The following CNTN6 variants were observed in gnomAD, a reference collection of about 807,000 sequenced individuals.
The protein encoded by CNTN6 is contactin-6.
CNTN6 carries 137 observed loss-of-function variants against 122.8 expected under a neutral mutation model. The observed-to-expected ratio is 1.12, with a 90% CI of 0.97 to 1.29. The LOEUF is 1.29. CNTN6 is among the 50% of genes most tolerant of loss of function. The probability of loss-of-function intolerance (pLI) is 0.00; values close to 1 mark genes in which losing one functional copy is unlikely to be tolerated. For synonymous variants in CNTN6, 570 were observed against 426.0 expected, an observed-to-expected ratio of 1.34 and a Z score of -4.16; for missense variants, 1,634 against 1,223.4, an observed-to-expected ratio of 1.34 and a Z score of -5.01.
At chr3:1,270,303 C>A (rs912154584) in intron 4 of CNTN6, among the ~76,000 whole-genome samples, 1 of 152,120 alleles carries the variant, frequency 6.6e-6, no homozygotes, top group Non-Finnish European at 1.5e-5. Flanking sequence ...TGGTATTATT[C>A]ATAACTGGTC....
chr3:1,221,738 G>C (rs970712611), intron 3 of CNTN6, among the ~76,000 whole-genome samples: 5 of 152,172 alleles, frequency 3.3e-5, no homozygotes, highest in African/African-American at 1.2e-4. Flanking sequence ...AAATACTACA[G>C]ATATTTAGTT....
chr3:1,379,832 C>A (rs1266439654), intron 17 of CNTN6, among the ~76,000 whole-genome samples: 1 of 152,076 alleles, frequency 6.6e-6, no homozygotes, highest in Non-Finnish European at 1.5e-5. Context: ...TGCCCAGCTT[C>A]TTTATGGAAT....
intron 2 of CNTN6, among the ~76,000 whole-genome samples, chr3:1,193,788 CATT>C (rs2125397082): frequency 6.6e-6 from 1 of 152,234 alleles, no homozygotes; most frequent in African/African-American, 2.4e-5. Context: ...TTTCAATCAT[CATT>C]GCCTTCCCAC....
chr3:1,120,290 G>C (rs991285086), intron 1 of CNTN6, among the ~76,000 whole-genome samples: 1 of 151,870 alleles, frequency 6.6e-6, no homozygotes, highest in East Asian at 1.9e-4. Context: ...GTTTTTGAAA[G>C]TGGTTGTGTC....
At chr3:1,154,887 C>G (rs2092929388) in intron 2 of CNTN6, among the ~76,000 whole-genome samples, 1 of 152,186 alleles carries the variant, frequency 6.6e-6, no homozygotes, top group African/African-American at 2.4e-5. Context: ...CTTCCCTTTG[C>G]TCATTGCATT....
intron 17 of CNTN6, 140 bp downstream of exon 17, chr3:1,377,215 A>T: frequency 1.9e-6 from 1 of 538,112 alleles, no homozygotes; most frequent in Non-Finnish European, 3.2e-6. Flanking sequence ...CCTGATGATG[A>T]ATTATTTAGA....
intron 1 of CNTN6, among the ~76,000 whole-genome samples, chr3:1,132,474 C>T (rs2092361920): frequency 6.6e-6 from 1 of 151,772 alleles, no homozygotes; most frequent in Non-Finnish European, 1.5e-5. Context: ...CCTGTGATCC[C>T]AGCTCTTTGA....
At chr3:1,122,756 C>T (rs2092008351) in intron 1 of CNTN6, among the ~76,000 whole-genome samples, 1 of 151,822 alleles carries the variant, frequency 6.6e-6, no homozygotes, top group Non-Finnish European at 1.5e-5. Context: ...CAAGGTTTAT[C>T]TACGTTTCGG....
At chr3:1,191,663 T>C (rs533977368) in intron 2 of CNTN6, among the ~76,000 whole-genome samples, 1 of 152,302 alleles carries the variant, frequency 6.6e-6, no homozygotes, top group African/African-American at 2.4e-5. Flanking sequence ...TGTAGCCAAG[T>C]TGAGCAGAAG....
At position 1,387,973 on chromosome 3, in the gene CNTN6, C is replaced by T. The variant is rs943517254; in HGVS notation, c.2704+2176C>T. Among the ~76,000 whole-genome samples, 17 of 152,114 alleles carry T rather than the reference C, an allele frequency of 1.1e-4. No homozygotes were observed. The South Asian group carries it at 1.7e-3, about 15-fold the overall frequency. On this transcript the variant is annotated intron_variant, in intron 20 of 22. Transcript: ENST00000446702. ...CTGAGATCAAACTGCAAGGCGGCAG[C>T]GAGGCTGGGGGAGGGGCGCCCGCCA...
At chr3:1,403,042 G>C (rs1198440110) in intron 22 of CNTN6, among the ~76,000 whole-genome samples, 1 of 152,116 alleles carries the variant, frequency 6.6e-6, no homozygotes, top group Admixed American at 6.6e-5. Flanking sequence ...AGCTGTGATT[G>C]AGTGCAAGTC....
intron 2 of CNTN6, among the ~76,000 whole-genome samples, chr3:1,161,868 A>T (rs2093142490): frequency 6.6e-6 from 1 of 152,020 alleles, no homozygotes; most frequent in South Asian, 2.1e-4. Flanking sequence ...GTTACATTAC[A>T]CTAAATGATA....
rs1387654184 is a variant in CNTN6, at chr3:1,382,922, T to C, written c.2167-20T>C. On this transcript the variant is annotated intron_variant, in intron 17 of 22. Transcript: ENST00000446702. ...AAATATTTTTGCAAATACTCAGTGA[T>C]TGATCACATTCTGCCCAAGTCAATT... The C allele has an allele frequency of 1.9e-6, 3 of 1,547,744 alleles. No homozygotes were observed. The highest frequency in any genetic ancestry group is 2.2e-5 in the East Asian group (1 of 44,462).
chr3:1,272,517 T>C (rs2095043511), intron 4 of CNTN6, among the ~76,000 whole-genome samples: 1 of 149,034 alleles, frequency 6.7e-6, no homozygotes, highest in South Asian at 2.3e-4. Flanking sequence ...AAATAATTCA[T>C]ACATAGTAAA....
intron 11 of CNTN6, among the ~76,000 whole-genome samples, chr3:1,330,592 C>G (rs537225493): frequency 6.6e-6 from 1 of 152,024 alleles, no homozygotes; most frequent in South Asian, 2.1e-4. Context: ...ATGCTGCTCT[C>G]TTTTAATGAC....
chr3:1,239,533 C>G (rs905189656), intron 4 of CNTN6, among the ~76,000 whole-genome samples: 1 of 152,052 alleles, frequency 6.6e-6, no homozygotes, highest in African/African-American at 2.4e-5. Flanking sequence ...ATGACACAAA[C>G]AAATAGAAAC....
At chr3:1,260,809 C>A (rs1342706604) in intron 4 of CNTN6, among the ~76,000 whole-genome samples, 1 of 152,008 alleles carries the variant, frequency 6.6e-6, no homozygotes, top group African/African-American at 2.4e-5. Context: ...TAAAGAAGGA[C>A]GTGTATGCTT....
intron 2 of CNTN6, among the ~76,000 whole-genome samples, chr3:1,153,599 G>C (rs1398340010): frequency 2.0e-5 from 3 of 152,104 alleles, no homozygotes; most frequent in Non-Finnish European, 2.9e-5. Flanking sequence ...AAGTGAATCT[G>C]GGAGAAACTG....
chr3:1,258,734 C>T (rs1411293707), intron 4 of CNTN6, among the ~76,000 whole-genome samples: 1 of 152,072 alleles, frequency 6.6e-6, no homozygotes, highest in Non-Finnish European at 1.5e-5. Context: ...TTCATCTTGG[C>T]ATACTTAGGT....
Sources: allele counts gnomAD v4.1 joint callset (sites outside exome capture counted in the v4.1 genomes callset), GRCh38; gene constraint gnomAD v4.1.1; transcripts MANE v1.5; gene names NCBI Gene and HGNC (gene_info 2026-07-23, HGNC 2026-07-21).